The following MACROD2 variants were observed in gnomAD, a reference collection of about 807,000 sequenced individuals.
MACROD2 encodes ADP-ribose glycohydrolase MACROD2.
A neutral mutation model predicts 70.4 loss-of-function variants in MACROD2; 36 were observed. The observed-to-expected ratio is 0.51, with a 90% CI of 0.39 to 0.68. The LOEUF (loss-of-function observed/expected upper bound fraction) is 0.68. Ranked by LOEUF, MACROD2 falls within the 30% of genes least tolerant of loss-of-function variation. MACROD2 has a pLI of 0.00. For synonymous variants in MACROD2, 172 were observed against 178.8 expected (o/e 0.96, Z 0.30); for missense variants, 496 against 538.4 (o/e 0.92, Z 0.78).
At chr20:15,109,452 A>G (rs1357330855) in intron 5 of MACROD2, among the ~76,000 whole-genome samples, 2 of 152,180 alleles carry the variant, frequency 1.3e-5, no homozygotes, top group Admixed American at 6.5e-5. Flanking sequence ...AGGGTTGCTG[A>G]CAGTGCTTAA....
At chr20:15,731,963 C>T (rs1223530270) in intron 8 of MACROD2, among the ~76,000 whole-genome samples, 1 of 59,822 alleles carries the variant, frequency 1.7e-5, no homozygotes, top group Non-Finnish European at 4.8e-5. Context: ...ACCATGTTGG[C>T]CAGGCTGGTC....
At chr20:14,046,519 A>G (rs2053477452) in intron 2 of MACROD2, among the ~76,000 whole-genome samples, 1 of 152,188 alleles carries the variant, frequency 6.6e-6, no homozygotes, top group African/African-American at 2.4e-5. Context: ...GCCTTTCTCC[A>G]GTAACCCAGG....
chr20:14,133,016 G>A (rs1164017317), intron 3 of MACROD2, among the ~76,000 whole-genome samples: 9 of 152,118 alleles, frequency 5.9e-5, no homozygotes, highest in East Asian at 1.9e-4. Flanking sequence ...GTGTGTGTGT[G>A]TATATGGGAC....
At chr20:14,191,395 C>A (rs905365155) in intron 3 of MACROD2, among the ~76,000 whole-genome samples, 3 of 152,092 alleles carry the variant, frequency 2.0e-5, no homozygotes, top group Non-Finnish European at 2.9e-5. Flanking sequence ...AAACAATTCC[C>A]AAATCTCAGG....
chr20:14,731,011 G>T lies in MACROD2; in HGVS notation c.418+46052G>T, dbSNP rs866173317. Among the ~76,000 whole-genome samples, 65 of 81,782 alleles carry T rather than the reference G, an allele frequency of 7.9e-4. No individual in the cohort carries two copies. In the South Asian group the frequency reaches 0.016, roughly 20 times the overall value. The allele number at this position is 81,782 out of a possible 152,430, so 53.7% of individuals were successfully genotyped here. A position where few individuals can be genotyped will look rare whatever the true frequency, so the allele number is the denominator to read the frequency against. ...CACACACACACACACACACACACAT[G>T]CACACACACACTCACAAACACATAC... is the stretch of plus-strand genomic sequence containing the variant. On this transcript the variant is annotated intron_variant, in intron 5 of 17. Transcript: ENST00000684519.
intron 5 of MACROD2, among the ~76,000 whole-genome samples, chr20:15,206,488 CATCA>C (rs1480008962): frequency 6.6e-6 from 1 of 151,944 alleles, no homozygotes; most frequent in Non-Finnish European, 1.5e-5. Flanking sequence ...TACGTACATA[CATCA>C]ATCAATGTGG....
chr20:14,225,981 G>GTTC (rs1354494384), intron 3 of MACROD2, among the ~76,000 whole-genome samples: 1 of 152,148 alleles, frequency 6.6e-6, no homozygotes, highest in Non-Finnish European at 1.5e-5. Flanking sequence ...TTTTCTTTGT[G>GTTC]TTCCTAGTAT....
At chr20:15,348,613 G>A (rs1174664995) in intron 6 of MACROD2, among the ~76,000 whole-genome samples, 2 of 152,164 alleles carry the variant, frequency 1.3e-5, no homozygotes, top group Non-Finnish European at 2.9e-5. Flanking sequence ...CATGGCTGGG[G>A]AGGCCTCACA....
At chr20:15,481,907 G>A (rs933956687) in intron 7 of MACROD2, among the ~76,000 whole-genome samples, 3 of 152,128 alleles carry the variant, frequency 2.0e-5, no homozygotes, top group African/African-American at 7.2e-5. Flanking sequence ...GTGACATCTT[G>A]AATTTCTTCT....
intron 5 of MACROD2, among the ~76,000 whole-genome samples, chr20:15,199,364 CAAA>C (rs2076635959): frequency 6.6e-6 from 1 of 151,904 alleles, no homozygotes; most frequent in Non-Finnish European, 1.5e-5. Context: ...CTCAAAAAAA[CAAA>C]AAACAAACAA....
chr20:14,624,538 C>T lies in MACROD2; in HGVS notation c.302-60305C>T, dbSNP rs987456906. Among the ~76,000 whole-genome samples, 4 of 152,118 alleles carry T rather than the reference C, an allele frequency of 2.6e-5. No homozygotes were observed. In the South Asian group the frequency reaches 8.3e-4, roughly 31 times the overall value. ...CATAGGGTTAGGAGCAAAGACATGC[C>T]CTCTGCAGCTAATAATTATGCACCT... On this transcript the variant is annotated intron_variant, in intron 4 of 17. Coordinates refer to ENST00000684519, the MANE Select transcript of MACROD2 (RefSeq NM_001351661.2).
intron 12 of MACROD2, among the ~76,000 whole-genome samples, chr20:15,942,805 T>G (rs1278342436): frequency 6.6e-6 from 1 of 152,180 alleles, no homozygotes; most frequent in Admixed American, 6.6e-5. Context: ...TAAGGCAGCT[T>G]TCTGGGGGAA....
At chr20:15,149,711 A>G (rs73612395) in intron 5 of MACROD2, among the ~76,000 whole-genome samples, 2 of 152,108 alleles carry the variant, frequency 1.3e-5, no homozygotes, top group African/African-American at 2.4e-5. Context: ...GCACGGAGAC[A>G]TGATGGCCAG....
At chr20:15,340,265 G>A (rs1214912523) in intron 6 of MACROD2, among the ~76,000 whole-genome samples, 1 of 150,458 alleles carries the variant, frequency 6.6e-6, no homozygotes, top group Non-Finnish European at 1.5e-5. Flanking sequence ...AGCCTCCTGA[G>A]TAGCTGGCAT....
chr20:15,445,793 C>G (rs576787531), intron 7 of MACROD2, among the ~76,000 whole-genome samples: 1 of 152,128 alleles, frequency 6.6e-6, no homozygotes, highest in African/African-American at 2.4e-5. Context: ...AAAATGAGAC[C>G]CAGAGTTGCT....
chr20:14,074,172 T>C (rs1253414314), intron 2 of MACROD2, among the ~76,000 whole-genome samples: 1 of 152,202 alleles, frequency 6.6e-6, no homozygotes, highest in African/African-American at 2.4e-5. Flanking sequence ...GCCCCTTGGC[T>C]ATAAATTCCC....
At chr20:15,351,092 G>A (rs1285683084) in intron 6 of MACROD2, among the ~76,000 whole-genome samples, 1 of 75,902 alleles carries the variant, frequency 1.3e-5, no homozygotes, top group Non-Finnish European at 2.4e-5. Flanking sequence ...GCAAGGACTG[G>A]TTTTCTACTT....
At chr20:13,997,632 T>A (rs940397170) in intron 1 of MACROD2, among the ~76,000 whole-genome samples, 1 of 152,218 alleles carries the variant, frequency 6.6e-6, no homozygotes, top group African/African-American at 2.4e-5. Flanking sequence ...AATGTCTTGA[T>A]TTCTTTTCTT....
intron 6 of MACROD2, among the ~76,000 whole-genome samples, chr20:15,385,253 G>C (rs1568766654): frequency 6.6e-6 from 1 of 152,110 alleles, no homozygotes; most frequent in Non-Finnish European, 1.5e-5. Context: ...TTAGCAAGAT[G>C]GAACTTTAAC....
Sources: gnomAD v4.1 joint callset for allele counts (sites outside exome capture counted in the v4.1 genomes callset) on GRCh38, gnomAD v4.1.1 for gene constraint, MANE v1.5 for transcripts, NCBI Gene and HGNC (gene_info 2026-07-23, HGNC 2026-07-21) for gene names.